Variants in DNAAF8 observed in about 807,000 individuals in gnomAD.
DNAAF8 encodes the protein dynein axonemal assembly factor 8.
DNAAF8 carries 61 observed loss-of-function variants against 54.6 expected under a neutral mutation model. The ratio of observed to expected loss-of-function variants is 1.12; its 90% CI spans 0.91 to 1.38. The LOEUF is 1.38. Ranked by LOEUF, DNAAF8 falls within the 40% of genes most tolerant of loss-of-function variation. The pLI is 0.00. For missense variants in DNAAF8, 837 were observed against 665.0 expected (o/e 1.26, Z -2.85); for synonymous variants, 320 against 270.1 (o/e 1.18, Z -1.81).
At chr16:4,738,388 G>C (rs562986467) in intron 3 of DNAAF8, among the ~76,000 whole-genome samples, 3 of 152,256 alleles carry the variant, frequency 2.0e-5, no homozygotes, top group Non-Finnish European at 4.4e-5. Context: ...ACAGGCTACA[G>C]TGGGGAGTGG....
At position 4,746,976 on chromosome 16, in the gene DNAAF8, G is replaced by A; in HGVS notation, c.1231G>A (p.Ala411Thr). ...TGAGGAGGAGGAGGAGGAAGAGATGGCAGCTCTGGGAGACGCAGAGGGGGC... is the reference window on the plus strand; with the variant it reads ...TGAGGAGGAGGAGGAGGAAGAGATGACAGCTCTGGGAGACGCAGAGGGGGC... The part of the protein sequence containing the change: ...DSEEEEEEEM[A>T]ALGDAEGASP... The change falls in exon 8 of 10, where the codon GCA becomes ACA. Residue 411 changes from alanine (A) to threonine (T), a missense_variant. Coordinates refer to ENST00000299320, the MANE Select transcript of DNAAF8 (RefSeq NM_139170.3). The A allele has an allele frequency of 6.4e-7, 1 of 1,551,274 alleles. No individual in the cohort carries two copies. Among genetic ancestry groups the A allele is most frequent in the Admixed American group, 2.2e-5 (1 of 46,126 alleles).
At chr16:4,736,134 T>A (rs1196511801) in intron 1 of DNAAF8, among the ~76,000 whole-genome samples, 1 of 152,188 alleles carries the variant, frequency 6.6e-6, no homozygotes, top group Non-Finnish European at 1.5e-5. Context: ...TATATATCAT[T>A]ATATATCGTA....
At chr16:4,746,272 T>C in intron 6 of DNAAF8, 103 bp from the exon 7 acceptor site, 2 of 1,279,670 alleles carry the variant, frequency 1.6e-6, no homozygotes, top group Non-Finnish European at 2.2e-6. Flanking sequence ...GAGTGGGCAC[T>C]CACTGGGTGG....
At chr16:4,742,269 G>T (rs184933769) in intron 4 of DNAAF8, among the ~76,000 whole-genome samples, 105 of 152,126 alleles carry the variant, frequency 6.9e-4, no homozygotes, top group African/African-American at 2.4e-3. Flanking sequence ...ACAACACAGG[G>T]TTTGGCTGGG....
intron 2 of DNAAF8, 30 bp from the exon 3 acceptor site, chr16:4,737,770 T>A (rs1222368848): frequency 6.2e-6 from 10 of 1,612,980 alleles, no homozygotes; most frequent in Non-Finnish European, 7.6e-6. Flanking sequence ...TGCTGCCTTG[T>A]CCTCCAAAAG....
intron 1 of DNAAF8, among the ~76,000 whole-genome samples, chr16:4,736,174 T>C (rs1484626921): frequency 6.6e-6 from 1 of 152,136 alleles, no homozygotes; most frequent in East Asian, 1.9e-4. Flanking sequence ...CATGTACATA[T>C]ATCTACATAG....
rs758496416 is a variant in DNAAF8 at position 4,746,356 on chromosome 16, C to T, written c.1044-19C>T. The T allele has an allele frequency of 2.5e-6, 4 of 1,605,526 alleles. No individual in the cohort carries two copies. Among genetic ancestry groups the T allele is most frequent in the South Asian group, 1.1e-5 (1 of 90,332 alleles). On this transcript the variant is annotated intron_variant, in intron 6 of 9. Transcript: ENST00000299320. ...ATCACAGAGAACTGACTCCACAACA[C>T]CTGCTTTTCTCATTTCAGATGTGCC...
intron 1 of DNAAF8, among the ~76,000 whole-genome samples, chr16:4,735,504 TCTC>T (rs1227115838): frequency 6.6e-6 from 1 of 151,894 alleles, no homozygotes; most frequent in Non-Finnish European, 1.5e-5. Flanking sequence ...GCTGCAGAGT[TCTC>T]CTGACACTGG....
intron 9 of DNAAF8, 66 bp downstream of exon 9, chr16:4,747,700 C>A: frequency 6.8e-7 from 1 of 1,466,880 alleles, no homozygotes; most frequent in East Asian, 2.4e-5. Context: ...CCCGGTGTCC[C>A]CTTGTTGTTC....
intron 4 of DNAAF8, among the ~76,000 whole-genome samples, chr16:4,741,301 A>G (rs2081959029): frequency 6.6e-6 from 1 of 151,862 alleles, no homozygotes; most frequent in South Asian, 2.1e-4. Flanking sequence ...AAAAAGAGAG[A>G]GAAAAAAGGA....
chr16:4,744,168 G>T lies in DNAAF8; in HGVS notation c.902-702G>T, dbSNP rs1401474742. On this transcript the variant is annotated intron_variant, in intron 5 of 9. Transcript: ENST00000299320. Reference sequence around the variant, plus strand: ...GGCTGGTCTCGAACTCCTGACCTCAGGATCCGCCTGCCTCAGCCTCCCAAA... The same window carrying T: ...GGCTGGTCTCGAACTCCTGACCTCATGATCCGCCTGCCTCAGCCTCCCAAA... Among the ~76,000 whole-genome samples, 3 of 152,098 alleles carry T rather than the reference G, an allele frequency of 2.0e-5. No individual in the cohort carries two copies. In the East Asian group the frequency reaches 5.8e-4, roughly 29 times the overall value.
At chr16:4,736,711 C>T in intron 2 of DNAAF8, 68 bp downstream of exon 2, 1 of 1,381,098 alleles carries the variant, frequency 7.2e-7, no homozygotes, top group Non-Finnish European at 9.6e-7. Flanking sequence ...CTGGCCAGGA[C>T]AGCTTTGGAG....
In DNAAF8 at chr16:4,744,866, TCAGACC is replaced by T. The variant is rs760089412; in HGVS notation, c.902-3_904del. 9 of 1,611,076 alleles carry T rather than the reference TCAGACC, an allele frequency of 5.6e-6. No individual in the cohort carries two copies. Among genetic ancestry groups the T allele is most frequent in the Non-Finnish European group, 7.6e-6 (9 of 1,178,434 alleles). The stretch of plus-strand genomic sequence containing the variant: ...TAATCAGCCTCTCCTTTGGCCATCC[TCAGACC>T]GCATGGTGCCGAGCGCCCACAACAG... On this transcript the variant is annotated splice_acceptor_variant and splice_polypyrimidine_tract_variant and coding_sequence_variant and intron_variant, in exon 6 of 10. Transcript: ENST00000299320. LOFTEE classifies it high-confidence loss of function.
Position 4,747,507 on chromosome 16 carries a change from G to C in DNAAF8, c.1445G>C (p.Cys482Ser). The change falls in exon 9 of 10, where the codon TGT (cysteine) becomes TCT (serine). Residue 482 changes from cysteine to serine, a missense_variant. Coordinates refer to ENST00000299320, the MANE Select transcript of DNAAF8 (RefSeq NM_139170.3). The stretch of plus-strand genomic sequence containing the variant: ...GGGAGGAAGCAACACATGAAGCTCT[G>C]TGCCAAGGGGCAGAGCGCCCAGGCT... The part of the protein sequence containing the change: ...RTGRKQHMKL[C>S]AKGQSAQARL... 1 of 1,613,274 alleles carries C rather than the reference G, an allele frequency of 6.2e-7. No homozygotes were observed. The highest frequency in any genetic ancestry group is 1.1e-5 in the South Asian group (1 of 91,086).
chr16:4,738,118 C>A lies in DNAAF8; in HGVS notation c.276+172C>A, dbSNP rs534845241. ...TGCCCAACATCTAACCTCCACGCAC[C>A]TCCCTCTCCTGGGGAGCCCGGCACC... On this transcript the variant is annotated intron_variant, in intron 3 of 9. Coordinates refer to ENST00000299320, the MANE Select transcript of DNAAF8 (RefSeq NM_139170.3). The A allele has an allele frequency of 3.5e-5, 29 of 817,094 alleles. No homozygotes were observed. The African/African-American group carries it at 4.3e-4, about 12-fold the overall frequency. The allele number at this position is 817,094 out of a possible 1,614,324, so 50.6% of individuals were successfully genotyped here.
At chr16:4,736,279 GAACA>G (rs2081899088) in intron 1 of DNAAF8, among the ~76,000 whole-genome samples, 181 bp from the exon 2 acceptor site, 2 of 114,812 alleles carry the variant, frequency 1.7e-5, no homozygotes, top group Non-Finnish European at 3.9e-5. Flanking sequence ...GCATGAGTGG[GAACA>G]CACACACACA....
intron 3 of DNAAF8, 117 bp downstream of exon 3, chr16:4,738,063 T>G (rs2081918174): frequency 3.1e-6 from 4 of 1,289,104 alleles, no homozygotes; most frequent in Non-Finnish European, 4.2e-6. Context: ...CCTTTTTTTT[T>G]TCCCCCATGT....
intron 1 of DNAAF8, among the ~76,000 whole-genome samples, chr16:4,735,889 G>A (rs927536600): frequency 3.3e-5 from 5 of 152,168 alleles, no homozygotes; most frequent in Admixed American, 6.5e-5. Flanking sequence ...TCAGGAGGCC[G>A]AGGCTTCAGT....
At chr16:4,744,751 G>T in intron 5 of DNAAF8, 119 bp from the exon 6 acceptor site, 2 of 1,293,046 alleles carry the variant, frequency 1.5e-6, no homozygotes, top group Non-Finnish European at 2.1e-6. Flanking sequence ...GGCGGGGGCA[G>T]TGGAGGAGCC....
Sources: allele counts gnomAD v4.1 joint callset (sites outside exome capture counted in the v4.1 genomes callset), GRCh38; gene constraint gnomAD v4.1.1; transcripts MANE v1.5; gene names NCBI Gene and HGNC (gene_info 2026-07-23, HGNC 2026-07-21).